PRRC2C: variants seen among roughly 807,000 people sequenced by gnomAD.
PRRC2C encodes the protein proline rich coiled-coil 2C, also known as protein PRRC2C.
A neutral mutation model predicts 317.2 loss-of-function variants in PRRC2C; 72 were observed. That is an observed-to-expected ratio of 0.23 (90% confidence interval 0.19 to 0.28). PRRC2C has a LOEUF of 0.28. PRRC2C is among the 10% of genes least tolerant of loss of function. The pLI is 1.00. For synonymous variants in PRRC2C, 1,296 were observed against 1,205.9 expected (o/e 1.07, Z -1.55); for missense variants, 3,074 against 3,459.7 (o/e 0.89, Z 2.80).
intron 30 of PRRC2C, among the ~76,000 whole-genome samples, chr1:171,586,483 A>T (rs146645052): frequency 0.018 from 2,775 of 152,038 alleles, 41 homozygotes; most frequent in Middle Eastern, 0.044. Flanking sequence ...GAGATACTCA[A>T]CTTGTCATCA....
At chr1:171,524,671 T>C (rs935263723) in intron 9 of PRRC2C, 150 bp from the exon 10 acceptor site, 1 of 703,096 alleles carries the variant, frequency 1.4e-6, no homozygotes, top group Non-Finnish European at 2.2e-6. Context: ...AAGAACAAAT[T>C]AGCACTAATG....
At chr1:171,530,091 A>G (rs1034697874) in intron 11 of PRRC2C, among the ~76,000 whole-genome samples, 1 of 152,206 alleles carries the variant, frequency 6.6e-6, no homozygotes, top group Non-Finnish European at 1.5e-5. Flanking sequence ...TGGAGCTGAC[A>G]AAGTTTTCTT....
At chr1:171,498,873 C>T (rs1227232823) in intron 1 of PRRC2C, among the ~76,000 whole-genome samples, 1 of 152,194 alleles carries the variant, frequency 6.6e-6, no homozygotes, top group Non-Finnish European at 1.5e-5. Context: ...GCGATCATCG[C>T]TCACTGCAGC....
chr1:171,563,819 A>AT (rs1318701403), intron 20 of PRRC2C, among the ~76,000 whole-genome samples: 1 of 152,188 alleles, frequency 6.6e-6, no homozygotes, highest in African/African-American at 2.4e-5. Flanking sequence ...TATTAGCATC[A>AT]TGATTAGTCA....
At chr1:171,574,498 A>G (rs940687133) in intron 24 of PRRC2C, among the ~76,000 whole-genome samples, 4 of 152,214 alleles carry the variant, frequency 2.6e-5, no homozygotes, top group African/African-American at 9.6e-5. Context: ...AAACAAAAGC[A>G]TTTCTATTGC....
At position 171,493,872 on chromosome 1, in the gene PRRC2C, A is replaced by G. The variant is rs574971527; in HGVS notation, c.-58+8137A>G. Among the ~76,000 whole-genome samples the G allele has an allele frequency of 7.2e-5, 11 of 152,336 alleles. No homozygotes were observed. The South Asian group carries it at 1.9e-3, about 26-fold the overall frequency. On this transcript the variant is annotated intron_variant, in intron 1 of 34. Transcript: ENST00000647382. ...TAATATATTAGTTTTGCAAATATTG[A>G]TTACCACTTAATAAGTTTTTGTTAC...
chr1:171,535,272 G>T (rs1477352570), intron 12 of PRRC2C, among the ~76,000 whole-genome samples, 156 bp from the exon 13 acceptor site: 1 of 152,154 alleles, frequency 6.6e-6, no homozygotes, highest in Non-Finnish European at 1.5e-5. Context: ...TTACCTCATT[G>T]ATAACTACCA....
chr1:171,488,853 T>C (rs965075227), intron 1 of PRRC2C, among the ~76,000 whole-genome samples: 1 of 152,198 alleles, frequency 6.6e-6, no homozygotes, highest in Non-Finnish European at 1.5e-5. Flanking sequence ...TGAATTATAG[T>C]CAGTGTGATA....
chr1:171,522,715 A>C (rs913487646), intron 7 of PRRC2C, among the ~76,000 whole-genome samples: 6 of 152,176 alleles, frequency 3.9e-5, no homozygotes, highest in Non-Finnish European at 8.8e-5. Flanking sequence ...CGGAAGTTGC[A>C]ATGAGCCGAG....
chr1:171,514,737 C>A, intron 4 of PRRC2C, 92 bp downstream of exon 4: 2 of 1,100,520 alleles, frequency 1.8e-6, no homozygotes, highest in Non-Finnish European at 2.6e-6. Flanking sequence ...TTTGGTAGAG[C>A]CATAAAGCAT....
At chr1:171,583,165 T>C (rs1046421147) in intron 28 of PRRC2C, among the ~76,000 whole-genome samples, 7 of 151,978 alleles carry the variant, frequency 4.6e-5, no homozygotes, top group African/African-American at 1.7e-4. Flanking sequence ...GTAGAGATGA[T>C]GTCTTGTTCT....
intron 31 of PRRC2C, 74 bp downstream of exon 31, chr1:171,587,295 T>C (rs1443535414): frequency 1.5e-6 from 2 of 1,343,724 alleles, no homozygotes; most frequent in Non-Finnish European, 2.0e-6. Context: ...ATCTGTGTTA[T>C]CTAAAAAACT....
intron 5 of PRRC2C, among the ~76,000 whole-genome samples, chr1:171,517,012 G>A (rs1175809421): frequency 2.6e-5 from 4 of 152,234 alleles, no homozygotes; most frequent in Non-Finnish European, 5.9e-5. Flanking sequence ...TACACTTAGT[G>A]TAAATACCAG....
intron 1 of PRRC2C, among the ~76,000 whole-genome samples, chr1:171,500,584 GACAGTCTCACT>G (rs1035407839): frequency 6.6e-6 from 1 of 152,096 alleles, no homozygotes; most frequent in Admixed American, 6.5e-5. Flanking sequence ...TTTTGTTAGA[GACAGTCTCACT>G]ATGTTGCCCA....
chr1:171,522,359 G>A (rs986700663), intron 7 of PRRC2C, 100 bp downstream of exon 7: 15 of 744,004 alleles, frequency 2.0e-5, no homozygotes, highest in Middle Eastern at 2.6e-4. Context: ...GTAATTGATC[G>A]TTTTCCTATC....
At chr1:171,530,827 C>T (rs1306634230) in intron 11 of PRRC2C, among the ~76,000 whole-genome samples, 1 of 152,146 alleles carries the variant, frequency 6.6e-6, no homozygotes, top group Admixed American at 6.5e-5. Context: ...CTTTGGAAAA[C>T]AGTTTGGCAG....
chr1:171,514,413 G>T, intron 3 of PRRC2C, 123 bp from the exon 4 acceptor site: 1 of 696,890 alleles, frequency 1.4e-6, no homozygotes, highest in Non-Finnish European at 2.4e-6. Flanking sequence ...AACATTTATT[G>T]GAGATTTACC....
At position 171,541,013 on chromosome 1, in the gene PRRC2C, C is replaced by G; in HGVS notation, c.3547C>G (p.Pro1183Ala). 6.2e-7 allele frequency: 1 copy of G among 1,613,472 alleles called. No homozygotes were observed. Among genetic ancestry groups the G allele is most frequent in the African/African-American group, 1.3e-5 (1 of 74,966 alleles). The change falls in exon 16 of 35, where the codon CCA becomes GCA. Residue 1183 changes from proline (P) to alanine (A), a missense_variant. Around this residue, in one of 11 missense-constraint regions of PRRC2C, gnomAD observed 1,320 missense variants for 1,395.7 expected, o/e 0.95. Transcript: ENST00000647382. This position sits in a 1 kb window ranked among gnomAD's most constrained non-coding sequence, Gnocchi z 4.1. ...WKEARERDWF[P>A]DQGYRGRGRG... ...AGAAGCTAGAGAGAGAGATTGGTTT[C>G]CAGATCAAGGATACAGAGGTCGAGG... is the stretch of plus-strand genomic sequence containing the variant.
chr1:171,591,883 C>CA lies in PRRC2C; in HGVS notation c.*36_*37insA. On this transcript the variant is annotated 3_prime_UTR_variant, in exon 35 of 35. Transcript: ENST00000647382. ...TTATTGCAGGGGATTGGGAGGGGGG[C>CA]GGGAAAACATGGAGAATTAAGTCAG... The CA allele has an allele frequency of 8.9e-7, 1 of 1,126,354 alleles. No homozygotes were observed. Among genetic ancestry groups the CA allele is most frequent in the Non-Finnish European group, 1.2e-6 (1 of 856,606 alleles). The allele number at this position is 1,126,354 out of a possible 1,614,324, so 69.8% of individuals were successfully genotyped here.
Sources: allele counts gnomAD v4.1 joint callset (sites outside exome capture counted in the v4.1 genomes callset), GRCh38; gene constraint gnomAD v4.1.1; regional missense constraint gnomAD v4.1.1; non-coding constraint Gnocchi (gnomAD v3.1); transcripts MANE v1.5; gene names NCBI Gene and HGNC (gene_info 2026-07-23, HGNC 2026-07-21).